The following PAK3 variants were observed in gnomAD, a reference collection of about 807,000 sequenced individuals.
The protein encoded by PAK3 is p21 (RAC1) activated kinase 3, also known as serine/threonine-protein kinase PAK 3.
A neutral mutation model predicts 41.0 loss-of-function variants in PAK3; 4 were observed. The observed-to-expected ratio is 0.10, with a 90% CI of 0.05 to 0.22. The LOEUF is 0.22. PAK3 is among the 10% of genes least tolerant of loss of function. The pLI is 1.00. For synonymous variants in PAK3, 146 were observed against 139.6 expected (o/e 1.05, Z -0.32); for missense variants, 205 against 409.9 (o/e 0.50, Z 4.32).
intron 1 of PAK3, among the ~76,000 whole-genome samples, chrX:111,079,039 T>C (rs2092811142): frequency 1.8e-5 from 2 of 111,633 alleles, no homozygotes; most frequent in Non-Finnish European, 3.8e-5. Flanking sequence ...AAGCTAGCAG[T>C]GATTAGTTCA....
intron 4 of PAK3, among the ~76,000 whole-genome samples, chrX:111,110,366 G>T (rs867704615): frequency 1.8e-5 from 2 of 111,829 alleles, no homozygotes; most frequent in African/African-American, 6.5e-5. Flanking sequence ...CACCAGTTCA[G>T]ATGATTGAAT....
At chrX:111,188,787 A>C (rs1441220045) in intron 11 of PAK3, among the ~76,000 whole-genome samples, 4 of 112,425 alleles carry the variant, frequency 3.6e-5, no homozygotes, top group Non-Finnish European at 5.6e-5. Context: ...CAATCTCTAC[A>C]TGTAATTCTC....
chrX:111,034,705 C>T (rs1186291425), intron 1 of PAK3, among the ~76,000 whole-genome samples: 1 of 111,290 alleles, frequency 9.0e-6, no homozygotes, highest in East Asian at 2.8e-4. Flanking sequence ...GAATGACCTT[C>T]AGACTAACAG....
At chrX:110,991,327 A>T (rs1160388816) in intron 1 of PAK3, among the ~76,000 whole-genome samples, 1 of 111,890 alleles carries the variant, frequency 8.9e-6, no homozygotes, top group Non-Finnish European at 1.9e-5. Context: ...ATACATGATT[A>T]GTACTCAATA....
intron 1 of PAK3, among the ~76,000 whole-genome samples, chrX:111,020,657 C>T (rs982147999): frequency 1.8e-5 from 2 of 111,553 alleles, no homozygotes; most frequent in African/African-American, 6.5e-5. Context: ...ATCCACAGAC[C>T]CTTTGAAGGA....
chrX:111,054,786 A>G (rs1569289916), intron 1 of PAK3, among the ~76,000 whole-genome samples: 1 of 110,818 alleles, frequency 9.0e-6, no homozygotes, highest in Non-Finnish European at 1.9e-5. Flanking sequence ...TCCTCTGCAA[A>G]CCCCCTGCCT....
chrX:111,189,209 A>T (rs1180144879), intron 11 of PAK3, among the ~76,000 whole-genome samples: 1 of 111,799 alleles, frequency 8.9e-6, no homozygotes, highest in East Asian at 2.8e-4. Flanking sequence ...ATCCCTTAGA[A>T]TAATGGCCTC....
At chrX:111,196,273 A>G (rs778920465) in intron 15 of PAK3, among the ~76,000 whole-genome samples, 171 bp from the exon 16 acceptor site, 2 of 112,363 alleles carry the variant, frequency 1.8e-5, no homozygotes, top group Non-Finnish European at 3.8e-5. Context: ...CAATTATTTC[A>G]GACCTTCTTA....
intron 5 of PAK3, among the ~76,000 whole-genome samples, chrX:111,133,421 C>T (rs758083072): frequency 3.7e-4 from 42 of 112,219 alleles, no homozygotes; most frequent in Non-Finnish European, 5.6e-4. Flanking sequence ...ATGCTACTAT[C>T]CTATATTCTG....
chrX:111,006,114 C>T (rs2091919012), intron 1 of PAK3, among the ~76,000 whole-genome samples: 1 of 111,809 alleles, frequency 8.9e-6, no homozygotes, highest in South Asian at 3.7e-4. Context: ...AGAGTCCCCT[C>T]CCTCAGAGAT....
At chrX:111,053,247 G>A (rs1348633587) in intron 1 of PAK3, among the ~76,000 whole-genome samples, 2 of 110,329 alleles carry the variant, frequency 1.8e-5, no homozygotes. Context: ...CTTAGGAGGG[G>A]GTGAAAGTGG....
At chrX:111,155,516 C>A (rs1350206942) in intron 8 of PAK3, among the ~76,000 whole-genome samples, 62 of 105,223 alleles carry the variant, frequency 5.9e-4, no homozygotes, top group Middle Eastern at 9.7e-3. Context: ...AAAAAAAAAA[C>A]CCAACAATAT....
chrX:111,124,780 A>G (rs1034154547), intron 5 of PAK3, among the ~76,000 whole-genome samples: 1 of 111,485 alleles, frequency 9.0e-6, no homozygotes, highest in African/African-American at 3.3e-5. Context: ...TTTCCAGTGT[A>G]CTAGCAAGCA....
chrX:111,226,541 A>G lies in PAK3; in HGVS notation c.*6094A>G, dbSNP rs114500787. 778 of 112,466 alleles carry G rather than the reference A, an allele frequency of 6.9e-3. 9 individuals carry two copies. Among genetic ancestry groups the G allele is most frequent in the African/African-American group, 0.024 (743 of 31,004 alleles). The allele number at this position is 112,466 out of a possible 1,213,427, so 9.3% of individuals were successfully genotyped here. The stretch of plus-strand genomic sequence containing the variant: ...CTGAGACTGCTAAGAGTGAACCTAA[A>G]CACTTACAAGTTGCAGAGAGAAATG... On this transcript the variant is annotated 3_prime_UTR_variant, in exon 18 of 18. Transcript: ENST00000372007.
chrX:111,036,441 A>C (rs933896441), intron 1 of PAK3, among the ~76,000 whole-genome samples: 8 of 112,442 alleles, frequency 7.1e-5, no homozygotes, highest in African/African-American at 2.6e-4. Flanking sequence ...ACTTACAATC[A>C]TGGTGGAAGG....
intron 10 of PAK3, among the ~76,000 whole-genome samples, chrX:111,164,770 A>G (rs1246562346): frequency 8.9e-6 from 1 of 112,329 alleles, no homozygotes; most frequent in Non-Finnish European, 1.9e-5. Context: ...GGAGGACACA[A>G]TAGAATGAAA....
At chrX:111,137,006 G>A (rs922499183) in intron 5 of PAK3, among the ~76,000 whole-genome samples, 3 of 111,444 alleles carry the variant, frequency 2.7e-5, no homozygotes, top group Admixed American at 9.5e-5. Context: ...AGTTGAGAGA[G>A]ATCAAGGATC....
chrX:111,175,866 A>G (rs947389619), intron 11 of PAK3, among the ~76,000 whole-genome samples: 6 of 111,900 alleles, frequency 5.4e-5, no homozygotes, highest in Non-Finnish European at 9.4e-5. Context: ...CTCTTTGTAC[A>G]GTCTTCACAA....
rs1359830768 is a variant in PAK3 at position 111,018,295 on chromosome X, A to T, written c.-28+73667A>T. The stretch of plus-strand genomic sequence containing the variant: ...AATCTAAATTGAAAAAGAAAAAGTA[A>T]CATTATCTCTCTTTACAGACAATAT... On this transcript the variant is annotated intron_variant, in intron 1 of 14. Transcript: ENST00000425146. Among the ~76,000 whole-genome samples, 5 of 111,780 alleles carry T rather than the reference A, an allele frequency of 4.5e-5. No individual in the cohort carries two copies. In the Admixed American group the frequency reaches 4.8e-4, roughly 11 times the overall value.
Sources: gnomAD v4.1 joint callset for allele counts (sites outside exome capture counted in the v4.1 genomes callset) on GRCh38, gnomAD v4.1.1 for gene constraint, MANE v1.5 for transcripts, NCBI Gene and HGNC (gene_info 2026-07-23, HGNC 2026-07-21) for gene names.